The following PIEZO2 variants were observed in gnomAD, a reference collection of about 807,000 sequenced individuals.
PIEZO2 encodes the protein piezo type mechanosensitive ion channel component 2, also known as piezo-type mechanosensitive ion channel component 2.
A neutral mutation model predicts 337.3 loss-of-function variants in PIEZO2; 172 were observed. That is an observed-to-expected ratio of 0.51 (90% CI 0.45 to 0.58). PIEZO2 has a LOEUF of 0.58. Ranked by LOEUF, PIEZO2 falls within the 20% of genes least tolerant of loss-of-function variation. The pLI is 0.00. For missense variants in PIEZO2, 3,028 were observed against 3,391.3 expected (o/e 0.89, Z 2.66); for synonymous variants, 1,251 against 1,228.5 (o/e 1.02, Z -0.38).
At position 10,795,866 on chromosome 18, in the gene PIEZO2, T is replaced by C. The variant is rs1320335961; in HGVS notation, c.1528-864A>G. Among the ~76,000 whole-genome samples, 1 of 152,198 alleles carries C rather than the reference T, an allele frequency of 6.6e-6. No individual in the cohort carries two copies. The highest frequency in any genetic ancestry group is 2.4e-5 in the African/African-American group (1 of 41,450). ...ATTTTAAACAAGAATATTAGGTTTC[T>C]CAAAAATAAATCAAATTTCCTAAGA... On this transcript the variant is annotated intron_variant, in intron 12 of 55. Transcript: ENST00000674853. The surrounding 1 kb of genome is among the most constrained non-coding windows in gnomAD (Gnocchi z 4.4).
intron 1 of PIEZO2, among the ~76,000 whole-genome samples, chr18:11,089,043 G>A (rs1407148240): frequency 2.6e-5 from 4 of 152,206 alleles, no homozygotes; most frequent in Non-Finnish European, 4.4e-5. Flanking sequence ...TTATCAGTCT[G>A]TCTAGGGTTC....
At chr18:10,873,243 G>A (rs911832741) in intron 4 of PIEZO2, among the ~76,000 whole-genome samples, 8 of 152,024 alleles carry the variant, frequency 5.3e-5, no homozygotes, top group African/African-American at 1.4e-4. Context: ...CAGTTACTTC[G>A]TGCTAAGAGC....
At position 11,097,495 on chromosome 18, in the gene PIEZO2, C is replaced by T. The variant is rs1358952312; in HGVS notation, c.65-31273G>A. ...AGTTTACTACAGAGAAAGCCCTGAA[C>T]TGGGGAGCCCTCTGACCAGAAAACA... On this transcript the variant is annotated intron_variant, in intron 1 of 55. Coordinates refer to ENST00000674853, the MANE Select transcript of PIEZO2 (RefSeq NM_001378183.1). The surrounding 1 kb of genome is among the most constrained non-coding windows in gnomAD (Gnocchi z 5.0). Among the ~76,000 whole-genome samples the T allele has an allele frequency of 1.3e-5, 2 of 152,210 alleles. No individual in the cohort carries two copies. Among genetic ancestry groups the T allele is most frequent in the African/African-American group, 4.8e-5 (2 of 41,460 alleles).
In PIEZO2 at chr18:10,803,888, G is replaced by C. The variant is rs780240231; in HGVS notation, c.1187C>G (p.Thr396Ser). ...RSLWYATHYP[T>S]DERKLLSMTQ... ...ATCATGGCTTACTTTTCTCTCATCA[G>C]TGGGGTAATGGGTTGCGTACCACAG... Residue 396 changes from threonine (T) to serine (S), a missense_variant, in exon 9 of 56, where the codon ACT becomes AGT. Physicochemically the swap from Thr to Ser is moderately conservative, Grantham distance 58. Coordinates refer to ENST00000674853, the MANE Select transcript of PIEZO2 (RefSeq NM_001378183.1). 4.6e-6 allele frequency: 7 copies of C among 1,537,148 alleles called. No homozygotes were observed. The East Asian group carries it at 1.5e-4, about 32-fold the overall frequency.
Position 11,083,401 on chromosome 18 carries a change from C to T in PIEZO2, c.65-17179G>A, listed in dbSNP as rs566804028. On this transcript the variant is annotated intron_variant, in intron 1 of 55. Transcript: ENST00000674853. The surrounding 1 kb of genome is among the most constrained non-coding windows in gnomAD (Gnocchi z 4.4). ...GATGTTTTCCTTGGTAAATTCTTGGCGTAGAATGAGAGATCCGAAGGAGTC... is the reference window on the plus strand; with the variant it reads ...GATGTTTTCCTTGGTAAATTCTTGGTGTAGAATGAGAGATCCGAAGGAGTC... Among the ~76,000 whole-genome samples the T allele has an allele frequency of 2.0e-5, 3 of 152,226 alleles. No individual in the cohort carries two copies. Among genetic ancestry groups the T allele is most frequent in the Non-Finnish European group, 2.9e-5 (2 of 68,012 alleles).
chr18:11,067,102 A>G (rs1006574041), intron 1 of PIEZO2, among the ~76,000 whole-genome samples: 4 of 152,212 alleles, frequency 2.6e-5, no homozygotes, highest in Admixed American at 2.6e-4. Flanking sequence ...CAAGACAGAA[A>G]GAAATGAAAA....
At chr18:11,010,714 C>T (rs1339849721) in intron 2 of PIEZO2, among the ~76,000 whole-genome samples, 1 of 152,138 alleles carries the variant, frequency 6.6e-6, no homozygotes, top group Non-Finnish European at 1.5e-5. Context: ...ATCCAGGGGT[C>T]ATTAAATAAT....
At position 11,127,951 on chromosome 18, in the gene PIEZO2, G is replaced by A. The variant is rs1180564889; in HGVS notation, c.64+20574C>T. 6.6e-6 allele frequency among the ~76,000 whole-genome samples: 1 copy of A among 151,744 alleles called. No individual in the cohort carries two copies. The highest frequency in any genetic ancestry group is 6.6e-5 in the Admixed American group (1 of 15,196). Reference sequence around the variant, plus strand: ...GGTTTTGGGGTTTCTGGAGTTGGCTGCTTAGTATGATTAGACCTGAAAATG... The same window carrying A: ...GGTTTTGGGGTTTCTGGAGTTGGCTACTTAGTATGATTAGACCTGAAAATG... On this transcript the variant is annotated intron_variant, in intron 1 of 55. Coordinates refer to ENST00000674853, the MANE Select transcript of PIEZO2 (RefSeq NM_001378183.1). The surrounding 1 kb of genome is among the most constrained non-coding windows in gnomAD (Gnocchi z 4.5).
In PIEZO2 at chr18:11,129,819, C is replaced by T. The variant is rs1054176921; in HGVS notation, c.64+18706G>A. 6.6e-6 allele frequency among the ~76,000 whole-genome samples: 1 copy of T among 152,170 alleles called. No homozygotes were observed. The highest frequency in any genetic ancestry group is 2.4e-5 in the African/African-American group (1 of 41,442). On this transcript the variant is annotated intron_variant, in intron 1 of 55. Coordinates refer to ENST00000674853, the MANE Select transcript of PIEZO2 (RefSeq NM_001378183.1). The surrounding 1 kb of genome is among the most constrained non-coding windows in gnomAD (Gnocchi z 4.6). ...GGGGACCCAAAATGTCATCGTGGTA[C>T]TTCAGTTAAAGTAGGGGCTTATGGA...
intron 3 of PIEZO2, among the ~76,000 whole-genome samples, chr18:10,932,163 A>G (rs2032129013): frequency 6.6e-6 from 1 of 152,236 alleles, no homozygotes; most frequent in Non-Finnish European, 1.5e-5. Flanking sequence ...CTATATAAGC[A>G]CAACACTTTT....
At chr18:10,896,942 AAG>A in intron 4 of PIEZO2, among the ~76,000 whole-genome samples, 1 of 152,318 alleles carries the variant, frequency 6.6e-6, no homozygotes, top group African/African-American at 2.4e-5. Context: ...TGCTGAAAAA[AAG>A]TCTCTCAACC....
chr18:10,723,061 G>A (rs1392014737), intron 36 of PIEZO2, among the ~76,000 whole-genome samples: 12 of 146,346 alleles, frequency 8.2e-5, no homozygotes, highest in African/African-American at 2.8e-4. Context: ...TCTGCCTTCC[G>A]GATTCAAGCG....
chr18:10,814,505 A>G (rs1159649185), intron 7 of PIEZO2, among the ~76,000 whole-genome samples: 1 of 152,216 alleles, frequency 6.6e-6, no homozygotes, highest in Non-Finnish European at 1.5e-5. Context: ...GTAGCCACAA[A>G]GAGGCAGATG....
Position 11,105,328 on chromosome 18 carries a change from A to G in PIEZO2, c.65-39106T>C, listed in dbSNP as rs2039529609. Among the ~76,000 whole-genome samples, 2 of 152,192 alleles carry G rather than the reference A, an allele frequency of 1.3e-5. No homozygotes were observed. The highest frequency in any genetic ancestry group is 4.1e-4 in the South Asian group (2 of 4,832). ...GGCTGAAAGGGAACTTAAAATTCAG[A>G]CTTACTCCTCTAGACTGTAAACCAC... On this transcript the variant is annotated intron_variant, in intron 1 of 55. Transcript: ENST00000674853. The surrounding 1 kb of genome is among the most constrained non-coding windows in gnomAD (Gnocchi z 4.3).
chr18:10,883,998 A>T (rs1345761976), intron 4 of PIEZO2, among the ~76,000 whole-genome samples: 3 of 151,854 alleles, frequency 2.0e-5, no homozygotes, highest in Non-Finnish European at 4.4e-5. Flanking sequence ...TTTTTAGTAG[A>T]TACGGGGTTT....
chr18:10,741,133 G>T, intron 32 of PIEZO2, 31 bp from the exon 33 acceptor site: 1 of 1,498,418 alleles, frequency 6.7e-7, no homozygotes, highest in Non-Finnish European at 8.9e-7. Flanking sequence ...ATATTAATTC[G>T]TATAAAGTGA....
chr18:10,719,768 ATCT>A (rs1266960933), intron 36 of PIEZO2, among the ~76,000 whole-genome samples: 4 of 152,150 alleles, frequency 2.6e-5, no homozygotes, highest in Non-Finnish European at 5.9e-5. Context: ...TCTTTAAGAA[ATCT>A]TCATTTTTTT....
chr18:10,836,745 CAA>C (rs2041026048), intron 7 of PIEZO2, among the ~76,000 whole-genome samples: 2 of 152,146 alleles, frequency 1.3e-5, no homozygotes, highest in African/African-American at 2.4e-5. Context: ...CATTGGCAAA[CAA>C]GAGGATACAA....
In PIEZO2 at chr18:10,716,194, T is replaced by TCTCTCCTCCACCTC. The variant is rs2036004683; in HGVS notation, c.5090-392_5090-379dup. The stretch of plus-strand genomic sequence containing the variant: ...GCCTCTTCTGTTTCCCCTTCCACCT[T>TCTCTCCTCCACCTC]CTCTCCTCCACCTCTGCTGCCTCTG... On this transcript the variant is annotated intron_variant, in intron 37 of 55. Coordinates refer to ENST00000674853, the MANE Select transcript of PIEZO2 (RefSeq NM_001378183.1). The surrounding 1 kb of genome is among the most constrained non-coding windows in gnomAD (Gnocchi z 4.1). 1.3e-5 allele frequency among the ~76,000 whole-genome samples: 2 copies of TCTCTCCTCCACCTC among 152,056 alleles called. No homozygotes were observed.
Sources: allele counts gnomAD v4.1 joint callset (sites outside exome capture counted in the v4.1 genomes callset), GRCh38; gene constraint gnomAD v4.1.1; non-coding constraint Gnocchi (gnomAD v3.1); transcripts MANE v1.5; gene names NCBI Gene and HGNC (gene_info 2026-07-23, HGNC 2026-07-21).